The following CLN8 variants were observed in gnomAD, a reference collection of about 807,000 sequenced individuals.
CLN8 encodes CLN8 transmembrane ER and ERGIC protein, also known as protein CLN8.
A neutral mutation model predicts 15.7 loss-of-function variants in CLN8; 14 were observed. The ratio of observed to expected loss-of-function variants is 0.89; its 90% CI spans 0.59 to 1.39. CLN8 has a LOEUF of 1.39. Among genes scored for constraint, CLN8 ranks in the 40% most tolerant of loss-of-function variants. CLN8 has a pLI of 0.00. For missense variants in CLN8, 415 were observed against 364.0 expected, an observed-to-expected ratio of 1.14 and a Z score of -1.14; for synonymous variants, 188 against 151.0, an observed-to-expected ratio of 1.25 and a Z score of -1.80.
chr8:1,759,036 C>T (rs1369689261), upstream of CLN8: 3 of 152,170 alleles, frequency 2.0e-5, no homozygotes, highest in Admixed American at 1.3e-4. Context: ...CCAGGGCCTG[C>T]TCTCTATCAT....
At chr8:1,756,187 A>T (rs906006524) in intron 1 of CLN8, 1 of 152,190 alleles carries the variant, frequency 6.6e-6, no homozygotes, top group African/African-American at 2.4e-5. Context: ...AATACACAAA[A>T]TTTCACTAAA....
intron 1 of CLN8, among the ~76,000 whole-genome samples, chr8:1,769,379 A>T (rs144694991): frequency 6.6e-6 from 1 of 152,124 alleles, no homozygotes; most frequent in Non-Finnish European, 1.5e-5. Flanking sequence ...GGCTCCTCCT[A>T]TGCTTCTGGC....
At position 1,775,205 on chromosome 8, in the gene CLN8, G is replaced by T. The variant is rs901075939; in HGVS notation, c.543+3608G>T. On this transcript the variant is annotated intron_variant, in intron 2 of 2. Transcript: ENST00000331222. ...AACAATTTTATATAGCATTTACATT[G>T]TATTAGGTATTATAAGTAATCTACA... 1.6e-4 allele frequency among the ~76,000 whole-genome samples: 24 copies of T among 152,156 alleles called. No individual in the cohort carries two copies. The South Asian group carries it at 4.2e-3, about 26-fold the overall frequency.
chr8:1,753,306 C>T (rs544158526), upstream of CLN8, among the ~76,000 whole-genome samples: 1 of 79,396 alleles, frequency 1.3e-5, no homozygotes, highest in East Asian at 4.1e-4. Context: ...CGCGGTGGCT[C>T]ATGCCTGTAA....
chr8:1,756,934 C>T (rs896889459), intron 1 of CLN8, among the ~76,000 whole-genome samples: 4 of 152,058 alleles, frequency 2.6e-5, no homozygotes, highest in African/African-American at 7.2e-5. Context: ...CCACCCACCT[C>T]GGCATCCCAA....
At chr8:1,762,581 A>G (rs1800826828), upstream of CLN8, 1 of 152,222 alleles carries the variant, frequency 6.6e-6, no homozygotes, top group Non-Finnish European at 1.5e-5. Context: ...GAGCCAGCAG[A>G]AAAATAAACT....
chr8:1,764,274 G>C (rs541083844), intron 1 of CLN8: 2 of 152,426 alleles, frequency 1.3e-5, no homozygotes, highest in Admixed American at 1.3e-4. Context: ...TCCTGCCTGC[G>C]CGGGTTGGGC....
At position 1,785,003 on chromosome 8, in the gene CLN8, ATGT is replaced by A. The variant is rs1177438202; in HGVS notation, c.*4440_*4442del. 1.3e-5 allele frequency: 2 copies of A among 152,248 alleles called. No individual in the cohort carries two copies. The highest frequency in any genetic ancestry group is 1.9e-4 in the East Asian group (1 of 5,162). 9.4% of individuals were successfully genotyped at this position (152,248 alleles called of 1,614,324 possible). A position where few individuals can be genotyped will look rare whatever the true frequency, so the allele number is the denominator to read the frequency against. On this transcript the variant is annotated 3_prime_UTR_variant, in exon 3 of 3. Coordinates refer to ENST00000331222, the MANE Select transcript of CLN8 (RefSeq NM_018941.4). ...GCCTTTCCTTCATGCTGGGGAGGAG[ATGT>A]TGTGTGCATGTGAGAAAGCATTTGA...
chr8:1,773,005 C>G (rs992906096), intron 2 of CLN8: 5 of 398,376 alleles, frequency 1.3e-5, no homozygotes, highest in African/African-American at 1.0e-4. Flanking sequence ...TGATATCAGT[C>G]CATCAAAAGT....
chr8:1,771,661 C>G, intron 2 of CLN8, 64 bp downstream of exon 2: 1 of 1,468,790 alleles, frequency 6.8e-7, no homozygotes, highest in Non-Finnish European at 9.4e-7. Context: ...GCTACAATGT[C>G]CTGGACGCTG....
intron 1 of CLN8, among the ~76,000 whole-genome samples, chr8:1,765,443 T>G (rs1396783499): frequency 6.6e-6 from 1 of 152,254 alleles, no homozygotes; most frequent in Non-Finnish European, 1.5e-5. Flanking sequence ...TTTTGTATTT[T>G]TATGCTTGTT....
rs1260779068 is a variant in CLN8, at chr8:1,782,299, A to G, written c.*1732A>G. On this transcript the variant is annotated 3_prime_UTR_variant, in exon 3 of 3. Transcript: ENST00000331222. ...AGCTGGGATTACAGGTACCTCTACC[A>G]TGCCTGGCTGATTTTTTGTATTTTT... is the stretch of plus-strand genomic sequence containing the variant. 6.6e-6 allele frequency: 1 copy of G among 152,016 alleles called. No individual in the cohort carries two copies. The highest frequency in any genetic ancestry group is 2.4e-5 in the African/African-American group (1 of 41,442). 9.4% of individuals were successfully genotyped at this position (152,016 alleles called of 1,614,324 possible). A position where few individuals can be genotyped will look rare whatever the true frequency, so the allele number is the denominator to read the frequency against.
At chr8:1,763,413 CGCG>C (rs1800867652), upstream of CLN8, 1 of 52,360 alleles carries the variant, frequency 1.9e-5, no homozygotes, top group African/African-American at 9.1e-5. Context: ...CGCCCCCCGC[CGCG>C]CCCCGCCCCC....
At chr8:1,754,853 G>A (rs998875209), upstream of CLN8, among the ~76,000 whole-genome samples, 1 of 152,208 alleles carries the variant, frequency 6.6e-6, no homozygotes, top group African/African-American at 2.4e-5. Flanking sequence ...CTCACCTGGT[G>A]CCCTGGGGTC....
rs1801831581 is a variant in CLN8, at chr8:1,786,372, T to C, written c.*5805T>C. On this transcript the variant is annotated 3_prime_UTR_variant, in exon 3 of 3. Transcript: ENST00000331222. ...CACGAATGCATGTTGACGCTTTCAG[T>C]TCACCCCTTTCTTTGCTAACTTTCT... 6.6e-6 allele frequency: 1 copy of C among 152,256 alleles called. No homozygotes were observed. Among genetic ancestry groups the C allele is most frequent in the South Asian group, 2.1e-4 (1 of 4,836 alleles). 9.4% of individuals were successfully genotyped at this position (152,256 alleles called of 1,614,324 possible).
chr8:1,760,090 C>A (rs1800757162), upstream of CLN8: 1 of 152,170 alleles, frequency 6.6e-6, no homozygotes, highest in Admixed American at 6.5e-5. Context: ...TTGTCTACTC[C>A]AGACACCTCA....
At chr8:1,768,126 T>C (rs1268543187) in intron 1 of CLN8, among the ~76,000 whole-genome samples, 3 of 151,928 alleles carry the variant, frequency 2.0e-5, no homozygotes, top group Non-Finnish European at 4.4e-5. Flanking sequence ...GTATTTTTAG[T>C]AGAGGCAGGG....
In CLN8 at chr8:1,772,899, G is replaced by A. The variant is rs1246145705; in HGVS notation, c.543+1302G>A. 12 of 398,622 alleles carry A rather than the reference G, an allele frequency of 3.0e-5. No individual in the cohort carries two copies. In the East Asian group the frequency reaches 4.3e-4, roughly 14 times the overall value. 24.7% of individuals were successfully genotyped at this position (398,622 alleles called of 1,614,324 possible). A position where few individuals can be genotyped will look rare whatever the true frequency, so the allele number is the denominator to read the frequency against. ...TCAGCCATTCACACAAATGGGTCAT[G>A]TTACTGCACATTTCTTGTCTACAGG... On this transcript the variant is annotated intron_variant, in intron 2 of 2. Transcript: ENST00000331222.
At position 1,785,926 on chromosome 8, in the gene CLN8, C is replaced by T; in HGVS notation, c.*5359C>T. The stretch of plus-strand genomic sequence containing the variant: ...CCAGACCCCAGCCCCACTCACACAG[C>T]AGCCTAGGAAGGAAGGGCAGAGTCC... On this transcript the variant is annotated 3_prime_UTR_variant, in exon 3 of 3. Coordinates refer to ENST00000331222, the MANE Select transcript of CLN8 (RefSeq NM_018941.4). 1 of 153,846 alleles carries T rather than the reference C, an allele frequency of 6.5e-6. No individual in the cohort carries two copies. The highest frequency in any genetic ancestry group is 2.0e-4 in the South Asian group (1 of 4,986). The allele number at this position is 153,846 out of a possible 1,614,324, so 9.5% of individuals were successfully genotyped here. A position where few individuals can be genotyped will look rare whatever the true frequency, so the allele number is the denominator to read the frequency against.
Sources: gnomAD v4.1 joint callset for allele counts (sites outside exome capture counted in the v4.1 genomes callset) on GRCh38, gnomAD v4.1.1 for gene constraint, MANE v1.5 for transcripts, NCBI Gene and HGNC (gene_info 2026-07-23, HGNC 2026-07-21) for gene names.